The following PUM2 variants were observed in gnomAD, a reference collection of about 807,000 sequenced individuals.
PUM2 encodes the protein pumilio RNA binding family member 2.
A neutral mutation model predicts 124.5 loss-of-function variants in PUM2; 57 were observed. That is an observed-to-expected ratio of 0.46 (90% CI 0.37 to 0.57). The LOEUF is 0.57. Among genes scored for constraint, PUM2 ranks in the 20% least tolerant of loss-of-function variants. The pLI, the probability that PUM2 is intolerant of heterozygous loss-of-function variation, is 0.00. For synonymous variants in PUM2, 460 were observed against 446.1 expected (o/e 1.03, Z -0.39); for missense variants, 1,065 against 1,290.6 (o/e 0.83, Z 2.68).
intron 1 of PUM2, among the ~76,000 whole-genome samples, chr2:20,345,254 G>A (rs1688031923): frequency 6.6e-6 from 1 of 151,784 alleles, no homozygotes; most frequent in Non-Finnish European, 1.5e-5. Context: ...TGGACTGTAA[G>A]TGCGTGCCAC....
Position 20,254,906 on chromosome 2 carries a change from T to C in PUM2, c.2827A>G (p.Ile943Val). Reference protein sequence around the residue: ...PEDKSKIVSEIRGKVLALSQH... With the variant: ...PEDKSKIVSEVRGKVLALSQH... ...CTCAGGGCTAAAACCTTTCCCCTGA[T>C]TTCGGAAACAATTTTGCTCTTGTCT... is the stretch of plus-strand genomic sequence containing the variant. Residue 943 changes from isoleucine to valine, a missense_variant, in exon 19 of 21, where the codon ATC becomes GTC. Physicochemically the swap from Ile to Val is conservative, Grantham distance 29. Transcript: ENST00000361078. The C allele has an allele frequency of 6.2e-7, 1 of 1,614,082 alleles. No individual in the cohort carries two copies. Among genetic ancestry groups the C allele is most frequent in the Non-Finnish European group, 8.5e-7 (1 of 1,179,968 alleles).
At chr2:20,311,213 T>A (rs1679521737) in intron 5 of PUM2, among the ~76,000 whole-genome samples, 1 of 152,048 alleles carries the variant, frequency 6.6e-6, no homozygotes, top group African/African-American at 2.4e-5. Context: ...AGGAAAAAGT[T>A]CAAATTTAGA....
intron 13 of PUM2, among the ~76,000 whole-genome samples, chr2:20,276,569 T>C (rs1418927168): frequency 6.6e-6 from 1 of 152,164 alleles, no homozygotes; most frequent in Non-Finnish European, 1.5e-5. Flanking sequence ...AAGTCTTTTA[T>C]ACTATCAGCC....
Position 20,263,469 on chromosome 2 carries a change from A to G in PUM2, c.1958-9T>C, listed in dbSNP as rs1411033244. ...ACCATTTGTCAGTCCTCCTACAACA[A>G]AGCAGCTATGGTCAGCAAGTATTTT... On this transcript the variant is annotated splice_polypyrimidine_tract_variant and intron_variant, in intron 13 of 20. Transcript: ENST00000361078. 2 of 1,583,978 alleles carry G rather than the reference A, an allele frequency of 1.3e-6. No homozygotes were observed. Among genetic ancestry groups the G allele is most frequent in the Non-Finnish European group, 1.7e-6 (2 of 1,158,174 alleles).
At position 20,263,176 on chromosome 2, in the gene PUM2, A is replaced by G. The variant is rs1666707559; in HGVS notation, c.2225+17T>C. The G allele has an allele frequency of 1.3e-6, 2 of 1,563,242 alleles. No individual in the cohort carries two copies. Among genetic ancestry groups the G allele is most frequent in the Non-Finnish European group, 1.8e-6 (2 of 1,139,048 alleles). ...TTTCAAAGCAAAAATGAAGTGAGAA[A>G]TATCATAATCACCTACCTAGAACCA... On this transcript the variant is annotated intron_variant, in intron 14 of 20. Coordinates refer to ENST00000361078, the MANE Select transcript of PUM2 (RefSeq NM_015317.5).
chr2:20,256,226 T>C, intron 16 of PUM2, 56 bp from the exon 17 acceptor site: 2 of 1,470,966 alleles, frequency 1.4e-6, no homozygotes, highest in South Asian at 2.9e-5. Flanking sequence ...AATACTAGTA[T>C]ATTTTATCTC....
intron 3 of PUM2, among the ~76,000 whole-genome samples, chr2:20,314,094 C>T (rs1327568479): frequency 6.6e-6 from 1 of 152,004 alleles, no homozygotes; most frequent in South Asian, 2.1e-4. Flanking sequence ...TTTGGTGAGC[C>T]GTGATTGTGC....
At chr2:20,348,121 G>C (rs1273462870) in intron 1 of PUM2, among the ~76,000 whole-genome samples, 1 of 151,850 alleles carries the variant, frequency 6.6e-6, no homozygotes, top group East Asian at 1.9e-4. Context: ...CCAGGAGTTT[G>C]AGACCAGCCT....
At position 20,253,855 on chromosome 2, in the gene PUM2, A is replaced by G. The variant is rs1244887120; in HGVS notation, c.3030T>C (p.Ala1010=). ...TGATTATCTTTCTCTGAGCAGGTTCAGCCATATCAATCATCTTTTGAACCA... is the reference window on the plus strand; with the variant it reads ...TGATTATCTTTCTCTGAGCAGGTTCGGCCATATCAATCATCTTTTGAACCA... ...NYVVQKMIDM[A]EPAQRKIIMH... The change falls in exon 20 of 21, where the codon GCT becomes GCC. Residue 1010 remains alanine (A), a synonymous_variant. Coordinates refer to ENST00000361078, the MANE Select transcript of PUM2 (RefSeq NM_015317.5). The G allele has an allele frequency of 8.1e-6, 13 of 1,613,734 alleles. No homozygotes were observed. Among genetic ancestry groups the G allele is most frequent in the African/African-American group, 1.3e-5 (1 of 74,916 alleles).
chr2:20,320,950 A>G (rs937480903), intron 2 of PUM2, among the ~76,000 whole-genome samples: 2 of 152,242 alleles, frequency 1.3e-5, no homozygotes, highest in African/African-American at 4.8e-5. Context: ...TCATGAAGAA[A>G]AAAGTCTCAG....
chr2:20,257,123 T>A (rs1215187345), intron 16 of PUM2, among the ~76,000 whole-genome samples: 1 of 150,994 alleles, frequency 6.6e-6, no homozygotes, highest in African/African-American at 2.4e-5. Flanking sequence ...AAAGACTTAC[T>A]GCTAATGCTT....
intron 1 of PUM2, among the ~76,000 whole-genome samples, chr2:20,347,331 G>C (rs1054322314): frequency 1.4e-4 from 21 of 152,034 alleles, no homozygotes; most frequent in African/African-American, 5.1e-4. Flanking sequence ...GGCGTGTCTT[G>C]ATTTTTCATT....
rs201762649 is a variant in PUM2 at position 20,253,802 on chromosome 2, A to C, written c.3063+20T>G. Reference sequence around the variant, plus strand: ...AAACACAAAGACAAACAGTTATCTGAGTGTTACATGCTGTATTACCTTGTG... The same window carrying C: ...AAACACAAAGACAAACAGTTATCTGCGTGTTACATGCTGTATTACCTTGTG... On this transcript the variant is annotated intron_variant, in intron 20 of 20. Transcript: ENST00000361078. 1 of 1,577,494 alleles carries C rather than the reference A, an allele frequency of 6.3e-7. No individual in the cohort carries two copies. The highest frequency in any genetic ancestry group is 8.7e-7 in the Non-Finnish European group (1 of 1,153,466).
chr2:20,269,319 G>A (rs1483126286), intron 13 of PUM2, among the ~76,000 whole-genome samples: 1 of 151,984 alleles, frequency 6.6e-6, no homozygotes, highest in Non-Finnish European at 1.5e-5. Flanking sequence ...TCCTGCCTCA[G>A]CCTCCCGAGT....
chr2:20,334,148 T>A (rs535333223), intron 1 of PUM2, among the ~76,000 whole-genome samples: 19 of 152,040 alleles, frequency 1.2e-4, no homozygotes, highest in South Asian at 4.2e-4. Context: ...ACAAAAAAAA[T>A]TTTTTTTTAA....
chr2:20,300,262 G>A (rs757007113), intron 7 of PUM2, among the ~76,000 whole-genome samples: 13 of 152,140 alleles, frequency 8.5e-5, no homozygotes, highest in African/African-American at 2.9e-4. Flanking sequence ...TGATTCTCCT[G>A]CCTCAGCCTC....
At chr2:20,311,777 C>G (rs2148601539) in intron 4 of PUM2, 114 bp from the exon 5 acceptor site, 1 of 1,133,482 alleles carries the variant, frequency 8.8e-7, no homozygotes, top group Non-Finnish European at 1.2e-6. Context: ...AGCATTGAAT[C>G]TTATTTAATT....
At chr2:20,291,385 G>T (rs185691049) in intron 9 of PUM2, among the ~76,000 whole-genome samples, 1 of 152,358 alleles carries the variant, frequency 6.6e-6, no homozygotes, top group Non-Finnish European at 1.5e-5. Context: ...TGGAAGGCAG[G>T]TGGGAGCTCA....
At chr2:20,327,928 A>G (rs972983006) in intron 1 of PUM2, among the ~76,000 whole-genome samples, 2 of 152,228 alleles carry the variant, frequency 1.3e-5, no homozygotes, top group African/African-American at 4.8e-5. Flanking sequence ...CCTGAACTGC[A>G]CATATGTGAG....
Sources: gnomAD v4.1 joint callset for allele counts (sites outside exome capture counted in the v4.1 genomes callset) on GRCh38, gnomAD v4.1.1 for gene constraint, MANE v1.5 for transcripts, NCBI Gene and HGNC (gene_info 2026-07-23, HGNC 2026-07-21) for gene names.